Variants in MTERF3 observed in about 807,000 individuals in gnomAD.
MTERF3 encodes the protein mitochondrial transcription termination factor 3, also known as transcription termination factor 3, mitochondrial.
In MTERF3, 40 loss-of-function variants were observed where a neutral mutation model predicts 40.5. That is an observed-to-expected ratio of 0.99 (90% CI 0.77 to 1.29). MTERF3 has a LOEUF of 1.29. Among genes scored for constraint, MTERF3 ranks in the 50% most tolerant of loss-of-function variants. The pLI is 0.00. For missense variants in MTERF3, 452 were observed against 478.2 expected (o/e 0.95, Z 0.51); for synonymous variants, 158 against 166.6 (o/e 0.95, Z 0.40).
chr8:96,252,715 G>T (rs1465124712), intron 3 of MTERF3, among the ~76,000 whole-genome samples: 1 of 152,192 alleles, frequency 6.6e-6, no homozygotes, highest in East Asian at 1.9e-4. Flanking sequence ...GTGATAAATG[G>T]GGGAGCGGAT....
At chr8:96,242,630 C>T (rs1206525467) in intron 7 of MTERF3, among the ~76,000 whole-genome samples, 1 of 152,158 alleles carries the variant, frequency 6.6e-6, no homozygotes, top group Non-Finnish European at 1.5e-5. Flanking sequence ...TGTGTTAATA[C>T]AAATAAAGCA....
rs1809884766 is a variant in MTERF3 at position 96,239,668 on chromosome 8, C to T, written c.1077G>A (p.Leu359=). ...VKFPQVFNTR[L]FKVKERHLFL... ...ACAAGTGTCTTTCTTTGACCTTAAA[C>T]AGCCTTGTATTAAATACCTAGAAAA... Residue 359 remains leucine (L), a synonymous_variant, in exon 8 of 8, where the codon CTG becomes CTA. Coordinates refer to ENST00000287025, the MANE Select transcript of MTERF3 (RefSeq NM_015942.5). The T allele has an allele frequency of 6.3e-7, 1 of 1,593,168 alleles. No individual in the cohort carries two copies. Among genetic ancestry groups the T allele is most frequent in the Non-Finnish European group, 8.5e-7 (1 of 1,174,770 alleles).
At chr8:96,251,214 T>C (rs961390845) in intron 3 of MTERF3, 119 bp from the exon 4 acceptor site, 1 of 668,300 alleles carries the variant, frequency 1.5e-6, no homozygotes, top group East Asian at 3.2e-5. Flanking sequence ...AGCACTGAGA[T>C]AGATCAATAG....
intron 4 of MTERF3, among the ~76,000 whole-genome samples, chr8:96,250,615 CAGAAGAAGAAGAAGAAGAAGAAGA>C (rs1183963835): frequency 2.5e-4 from 3 of 11,822 alleles, no homozygotes; most frequent in African/African-American, 7.2e-4. Flanking sequence ...GAGGCTGAGG[CAGAAGAAGAAGAAGAAGAAGAAGA>C]AGAAGAAGAA....
At chr8:96,259,895 A>G (rs527725024) in intron 1 of MTERF3, among the ~76,000 whole-genome samples, 48 of 150,832 alleles carry the variant, frequency 3.2e-4, no homozygotes, top group African/African-American at 1.1e-3. Context: ...GCAATTATTT[A>G]TTATTATTAT....
chr8:96,241,047 G>A (rs534578906), intron 7 of MTERF3, among the ~76,000 whole-genome samples: 9 of 152,226 alleles, frequency 5.9e-5, no homozygotes, highest in East Asian at 1.9e-4. Context: ...TATGGATAAC[G>A]AAGATGTAAG....
At chr8:96,239,708 T>TA (rs954392474) in intron 7 of MTERF3, 23 bp from the exon 8 acceptor site, 6 of 1,534,494 alleles carry the variant, frequency 3.9e-6, no homozygotes, top group Non-Finnish European at 5.3e-6. Flanking sequence ...AAAAAGTTTT[T>TA]AAAAAACACT....
intron 4 of MTERF3, 69 bp downstream of exon 4, chr8:96,250,837 A>G: frequency 6.9e-7 from 1 of 1,443,060 alleles, no homozygotes; most frequent in Non-Finnish European, 9.5e-7. Context: ...GATTTAAAGA[A>G]TACCTTCCAC....
rs1810120797 is a variant in MTERF3, at chr8:96,250,558, A to AG, written c.677+347_677+348insC. Among the ~76,000 whole-genome samples the AG allele has an allele frequency of 3.4e-5, 5 of 145,680 alleles. 1 individual carries two copies. The highest frequency in any genetic ancestry group is 4.5e-5 in the Non-Finnish European group (3 of 66,764). On this transcript the variant is annotated intron_variant, in intron 4 of 7. Coordinates refer to ENST00000287025, the MANE Select transcript of MTERF3 (RefSeq NM_015942.5). ...AAACCCCATCTCTCCTAAAAATACAAAAATTAGCCAGGCATGGTGGCCACC... is the reference window on the plus strand; with the variant it reads ...AAACCCCATCTCTCCTAAAAATACAAGAAATTAGCCAGGCATGGTGGCCACC...
rs1410854123 is a variant in MTERF3, at chr8:96,252,390, T to C, written c.488-1295A>G. ...ATTATCTTTATATCTTATACGGAAA[T>C]TAATTCTAGATAAAGAATCTAAACA... On this transcript the variant is annotated intron_variant, in intron 3 of 7. Coordinates refer to ENST00000287025, the MANE Select transcript of MTERF3 (RefSeq NM_015942.5). Among the ~76,000 whole-genome samples the C allele has an allele frequency of 2.0e-5, 3 of 152,160 alleles. No homozygotes were observed. The East Asian group carries it at 5.8e-4, about 29-fold the overall frequency.
intron 7 of MTERF3, among the ~76,000 whole-genome samples, chr8:96,242,943 A>T (rs1044470699): frequency 6.6e-6 from 1 of 152,176 alleles, no homozygotes; most frequent in Non-Finnish European, 1.5e-5. Flanking sequence ...TTTTCGTTGA[A>T]GATTATTTCA....
At position 96,253,050 on chromosome 8, in the gene MTERF3, C is replaced by G. The variant is rs377055001; in HGVS notation, c.488-1955G>C. On this transcript the variant is annotated intron_variant, in intron 3 of 7. Coordinates refer to ENST00000287025, the MANE Select transcript of MTERF3 (RefSeq NM_015942.5). ...CGATTCTAACCTCTAGGTGACCAGT[C>G]TAGTTGGGCTTTACCTCATCAGTTC... is the stretch of plus-strand genomic sequence containing the variant. 6.6e-5 allele frequency among the ~76,000 whole-genome samples: 10 copies of G among 152,280 alleles called. No individual in the cohort carries two copies. In the South Asian group the frequency reaches 1.7e-3, roughly 25 times the overall value.
At chr8:96,240,518 A>G (rs1586161431) in intron 7 of MTERF3, among the ~76,000 whole-genome samples, 2 of 152,162 alleles carry the variant, frequency 1.3e-5, no homozygotes, top group Admixed American at 6.5e-5. Context: ...CCTCTGGGAG[A>G]GCAACTAGGG....
intron 3 of MTERF3, among the ~76,000 whole-genome samples, chr8:96,256,205 A>C (rs1181446635): frequency 6.6e-6 from 1 of 152,226 alleles, no homozygotes; most frequent in Non-Finnish European, 1.5e-5. Flanking sequence ...CCCTTAAGCT[A>C]TCCAGATCCA....
At chr8:96,256,886 A>C in intron 3 of MTERF3, 76 bp downstream of exon 3, 1 of 1,371,788 alleles carries the variant, frequency 7.3e-7, no homozygotes, top group Non-Finnish European at 9.8e-7. Context: ...AGTATAGATT[A>C]AATTGTTAAT....
At chr8:96,240,020 G>A (rs992887893) in intron 7 of MTERF3, among the ~76,000 whole-genome samples, 2 of 152,230 alleles carry the variant, frequency 1.3e-5, no homozygotes, top group Admixed American at 6.5e-5. Flanking sequence ...GGCTGAGGCA[G>A]GCGGATCATC....
intron 1 of MTERF3, among the ~76,000 whole-genome samples, chr8:96,259,688 C>A (rs984763150): frequency 3.9e-5 from 6 of 152,102 alleles, no homozygotes; most frequent in Non-Finnish European, 8.8e-5. Flanking sequence ...ATTGGTTACA[C>A]AACCAAATAC....
chr8:96,251,838 G>T (rs1468020869), intron 3 of MTERF3, among the ~76,000 whole-genome samples: 1 of 152,102 alleles, frequency 6.6e-6, no homozygotes, highest in Admixed American at 6.5e-5. Context: ...TATTAAACAG[G>T]TATTAAGATG....
chr8:96,261,059 A>C (rs573680979), intron 1 of MTERF3, among the ~76,000 whole-genome samples: 1 of 152,354 alleles, frequency 6.6e-6, no homozygotes, highest in South Asian at 2.1e-4. Context: ...AAGAAACTGA[A>C]GTCTCTTAAC....
Sources: gnomAD v4.1 joint callset for allele counts (sites outside exome capture counted in the v4.1 genomes callset) on GRCh38, gnomAD v4.1.1 for gene constraint, MANE v1.5 for transcripts, NCBI Gene and HGNC (gene_info 2026-07-23, HGNC 2026-07-21) for gene names.